The following GNPTAB variants were observed in gnomAD, a reference collection of about 807,000 sequenced individuals.
GNPTAB encodes N-acetylglucosamine-1-phosphate transferase subunits alpha and beta.
In GNPTAB, 92 loss-of-function variants were observed where a neutral mutation model predicts 136.6. The ratio of observed to expected loss-of-function variants is 0.67; its 90% CI spans 0.57 to 0.80. The LOEUF (loss-of-function observed/expected upper bound fraction) is 0.80, where lower values mean the gene tolerates loss of function less well. Among genes scored for constraint, GNPTAB ranks in the 30% least tolerant of loss-of-function variants. GNPTAB has a pLI of 0.00. For synonymous variants in GNPTAB, 512 were observed against 535.1 expected (o/e 0.96, Z 0.60); for missense variants, 1,343 against 1,501.8 (o/e 0.89, Z 1.75).
At chr12:101,804,894 T>C (rs186816972) in intron 1 of GNPTAB, among the ~76,000 whole-genome samples, 1 of 152,340 alleles carries the variant, frequency 6.6e-6, no homozygotes, top group Admixed American at 6.5e-5. Flanking sequence ...AATACTATCT[T>C]ATCCCCTAAG....
chr12:101,768,004 A>C, intron 11 of GNPTAB, 33 bp downstream of exon 11: 1 of 1,609,652 alleles, frequency 6.2e-7, no homozygotes, highest in Non-Finnish European at 8.5e-7. Context: ...TATTCCATAA[A>C]AATGAACGAA....
chr12:101,787,377 C>CA (rs144108169), intron 4 of GNPTAB, among the ~76,000 whole-genome samples: 11,948 of 152,036 alleles, frequency 0.079, 586 homozygotes, highest in Middle Eastern at 0.18. Context: ...AAAAAGGATA[C>CA]AAAACTGCCC....
intron 11 of GNPTAB, among the ~76,000 whole-genome samples, chr12:101,767,094 T>C (rs919133883): frequency 6.6e-6 from 1 of 152,242 alleles, no homozygotes; most frequent in African/African-American, 2.4e-5. Context: ...CATATCTGAC[T>C]GAAATACAAC....
intron 1 of GNPTAB, among the ~76,000 whole-genome samples, chr12:101,824,432 A>AT (rs1555276244): frequency 8.3e-4 from 42 of 50,858 alleles, no homozygotes; most frequent in Middle Eastern, 0.016. Flanking sequence ...ATATATATAT[A>AT]TTTTCTTTTT....
chr12:101,810,845 T>C (rs1870193109), intron 1 of GNPTAB, among the ~76,000 whole-genome samples: 1 of 152,134 alleles, frequency 6.6e-6, no homozygotes, highest in Non-Finnish European at 1.5e-5. Context: ...AGCTGAGACC[T>C]ATGTTGACAA....
intron 1 of GNPTAB, among the ~76,000 whole-genome samples, chr12:101,820,085 C>T (rs757690569): frequency 6.6e-6 from 1 of 152,162 alleles, no homozygotes; most frequent in Non-Finnish European, 1.5e-5. Context: ...GGACAGTTGG[C>T]ACTTAATTAG....
At chr12:101,755,657 C>T (rs112539701) in intron 18 of GNPTAB, among the ~76,000 whole-genome samples, 3 of 152,150 alleles carry the variant, frequency 2.0e-5, no homozygotes, top group Admixed American at 6.5e-5. Context: ...TCCCTGTTAA[C>T]GGGATAAACA....
chr12:101,804,343 GAAAAA>G (rs778383859), intron 1 of GNPTAB, among the ~76,000 whole-genome samples: 1 of 138,076 alleles, frequency 7.2e-6, no homozygotes, highest in East Asian at 2.1e-4. Context: ...GAGAGAAAGA[GAAAAA>G]AAAAAAGAAC....
At chr12:101,780,763 AT>A (rs1447920347) in intron 5 of GNPTAB, 142 bp from the exon 6 acceptor site, 2 of 686,756 alleles carry the variant, frequency 2.9e-6, no homozygotes, top group African/African-American at 3.6e-5. Context: ...AGGAGACAAA[AT>A]TAGCCCATTC....
intron 1 of GNPTAB, among the ~76,000 whole-genome samples, chr12:101,828,404 G>A (rs1226900248): frequency 6.6e-6 from 1 of 152,170 alleles, no homozygotes; most frequent in Non-Finnish European, 1.5e-5. Flanking sequence ...GGTGGCTCAC[G>A]CCTGTAATCC....
Position 101,796,671 on chromosome 12 carries a change from T to A in GNPTAB, c.203+6A>T. ...AAATAATAGATTTCTCCAAAATAGA[T>A]CTTACCGATTCTGAAAGGACTTTCC... On this transcript the variant is annotated splice_donor_region_variant and intron_variant, in intron 2 of 20. Transcript: ENST00000299314. 6.4e-7 allele frequency: 1 copy of A among 1,568,154 alleles called. No individual in the cohort carries two copies. The highest frequency in any genetic ancestry group is 1.7e-5 in the Admixed American group (1 of 59,952).
chr12:101,766,652 C>T (rs895977430), intron 11 of GNPTAB, among the ~76,000 whole-genome samples: 4 of 152,146 alleles, frequency 2.6e-5, no homozygotes, highest in African/African-American at 9.6e-5. Flanking sequence ...AAACAAAAAA[C>T]GAAAAAGACA....
intron 10 of GNPTAB, among the ~76,000 whole-genome samples, chr12:101,768,780 A>C (rs1953130633): frequency 6.6e-6 from 1 of 152,176 alleles, no homozygotes; most frequent in South Asian, 2.1e-4. Context: ...GCATATTCTA[A>C]TTGGAATGTC....
chr12:101,783,234 T>A (rs1049517593), intron 5 of GNPTAB, among the ~76,000 whole-genome samples: 1 of 151,764 alleles, frequency 6.6e-6, no homozygotes, highest in Non-Finnish European at 1.5e-5. Flanking sequence ...TAATAAGCAC[T>A]CATTAAACAG....
chr12:101,798,150 G>A (rs1869407106), intron 1 of GNPTAB, among the ~76,000 whole-genome samples: 1 of 152,102 alleles, frequency 6.6e-6, no homozygotes, highest in African/African-American at 2.4e-5. Flanking sequence ...AAACTCAACG[G>A]CATTTTCCTC....
intron 13 of GNPTAB, among the ~76,000 whole-genome samples, chr12:101,762,142 C>T (rs1359004450): frequency 6.6e-6 from 1 of 152,170 alleles, no homozygotes; most frequent in Non-Finnish European, 1.5e-5. Flanking sequence ...GCTATTTCTG[C>T]AGGTGATATC....
At position 101,796,669 on chromosome 12, in the gene GNPTAB, G is replaced by T. The variant is rs746409605; in HGVS notation, c.203+8C>A. 6.4e-7 allele frequency: 1 copy of T among 1,561,512 alleles called. No individual in the cohort carries two copies. Among genetic ancestry groups the T allele is most frequent in the Non-Finnish European group, 8.8e-7 (1 of 1,132,342 alleles). On this transcript the variant is annotated splice_region_variant and intron_variant, in intron 2 of 20. Coordinates refer to ENST00000299314, the MANE Select transcript of GNPTAB (RefSeq NM_024312.5). ...CCAAATAATAGATTTCTCCAAAATA[G>T]ATCTTACCGATTCTGAAAGGACTTT...
Position 101,765,228 on chromosome 12 carries a change from C to T in GNPTAB, c.1689G>A (p.Leu563=), listed in dbSNP as rs552728140. 12 of 1,614,008 alleles carry T rather than the reference C, an allele frequency of 7.4e-6. No individual in the cohort carries two copies. In the South Asian group the frequency reaches 7.7e-5, roughly 10 times the overall value. The change falls in exon 13 of 21, where the codon CTG becomes CTA. Residue 563 remains leucine (L), a synonymous_variant. Coordinates refer to ENST00000299314, the MANE Select transcript of GNPTAB (RefSeq NM_024312.5). The part of the protein sequence containing the change: ...THYIIPKGEC[L]PYFSFAEVAK... Reference sequence around the variant, plus strand: ...CTACTTCTGCAAAGCTGAAATAAGGCAGGCATTCACCTTTTGGAATAATAT... The same window carrying T: ...CTACTTCTGCAAAGCTGAAATAAGGTAGGCATTCACCTTTTGGAATAATAT...
In GNPTAB at chr12:101,796,282, A is replaced by G. The variant is rs1477801768; in HGVS notation, c.203+395T>C. ...ACAGACCTGGGGAGACAGAAAATGC[A>G]ATCATGCAATTTAAGGTACCCAATA... On this transcript the variant is annotated intron_variant, in intron 2 of 20. Transcript: ENST00000299314. The G allele has an allele frequency of 2.8e-5, 20 of 702,506 alleles. No homozygotes were observed. The East Asian group carries it at 5.4e-4, about 19-fold the overall frequency. The allele number at this position is 702,506 out of a possible 1,614,324, so 43.5% of individuals were successfully genotyped here.
Sources: gnomAD v4.1 joint callset for allele counts (sites outside exome capture counted in the v4.1 genomes callset) on GRCh38, gnomAD v4.1.1 for gene constraint, MANE v1.5 for transcripts, NCBI Gene and HGNC (gene_info 2026-07-23, HGNC 2026-07-21) for gene names.